The following RIMS1 variants were observed in gnomAD, a reference collection of about 807,000 sequenced individuals.
The protein encoded by RIMS1 is regulating synaptic membrane exocytosis protein 1.
A neutral mutation model predicts 214.1 loss-of-function variants in RIMS1; 83 were observed. The observed-to-expected ratio is 0.39, with a 90% CI of 0.32 to 0.47. RIMS1 has a LOEUF of 0.47. Among genes scored for constraint, RIMS1 ranks in the 20% least tolerant of loss-of-function variants. RIMS1 has a pLI of 0.99. For synonymous variants in RIMS1, 793 were observed against 786.8 expected (o/e 1.01, Z -0.13); for missense variants, 2,050 against 2,161.8 (o/e 0.95, Z 1.03).
intron 28 of RIMS1, among the ~76,000 whole-genome samples, chr6:72,314,798 A>G (rs1350498223): frequency 1.3e-5 from 2 of 152,140 alleles, no homozygotes; most frequent in Non-Finnish European, 2.9e-5. Context: ...CTGTTGAATT[A>G]CCAAAGAATG....
chr6:72,099,211 G>A (rs58846705), intron 3 of RIMS1, among the ~76,000 whole-genome samples: 1 of 152,148 alleles, frequency 6.6e-6, no homozygotes. Flanking sequence ...AAAGTCATCA[G>A]GTCTTAAAAA....
At chr6:72,215,653 T>C (rs184782821) in intron 6 of RIMS1, among the ~76,000 whole-genome samples, 3 of 152,354 alleles carry the variant, frequency 2.0e-5, no homozygotes, top group African/African-American at 4.8e-5. Context: ...TTGATGTTTA[T>C]TTCCCTTTTG....
chr6:72,314,409 G>A (rs2095658250), intron 28 of RIMS1, among the ~76,000 whole-genome samples: 1 of 152,106 alleles, frequency 6.6e-6, no homozygotes, highest in African/African-American at 2.4e-5. Flanking sequence ...TTAAAAATAT[G>A]AACAAACACT....
chr6:72,121,868 G>A (rs902074109), intron 4 of RIMS1, among the ~76,000 whole-genome samples: 8 of 151,926 alleles, frequency 5.3e-5, no homozygotes, highest in Non-Finnish European at 7.4e-5. Context: ...ATAAAGGGCT[G>A]TTGAATTTTG....
At chr6:72,303,652 G>A (rs961341405) in intron 26 of RIMS1, among the ~76,000 whole-genome samples, 5 of 151,096 alleles carry the variant, frequency 3.3e-5, no homozygotes, top group Non-Finnish European at 5.9e-5. Context: ...TTTTAACATT[G>A]AATTGATTTG....
In RIMS1 at chr6:71,887,072, C is replaced by A. The variant is rs772961215; in HGVS notation, c.49C>A (p.Pro17Thr). 1 of 1,613,406 alleles carries A rather than the reference C, an allele frequency of 6.2e-7. No individual in the cohort carries two copies. Among genetic ancestry groups the A allele is most frequent in the East Asian group, 2.2e-5 (1 of 44,850 alleles). ...CGGTCCTCGCCCACCCACGGTGCCT[C>A]CCCCCATGCAAGAGCTGCCCGACCT... ...PRGPRPPTVPPPMQELPDLSH... is the reference protein window; with the variant it reads ...PRGPRPPTVPTPMQELPDLSH... The change falls in exon 1 of 34, where the codon CCC (proline) becomes ACC (threonine). Residue 17 changes from proline to threonine, a missense_variant. Transcript: ENST00000521978.
At chr6:72,265,646 C>T (rs2080192469) in intron 21 of RIMS1, 143 bp downstream of exon 21, 1 of 559,298 alleles carries the variant, frequency 1.8e-6, no homozygotes, top group African/African-American at 1.9e-5. Context: ...AAATTTTAGG[C>T]ATTTTGTTTT....
At chr6:72,297,949 G>A (rs1483799821) in intron 26 of RIMS1, among the ~76,000 whole-genome samples, 20 of 151,962 alleles carry the variant, frequency 1.3e-4, no homozygotes, top group Admixed American at 1.2e-3. Flanking sequence ...GAGAATTCAG[G>A]TTATTGTGAG....
chr6:72,307,370 G>A lies in RIMS1; in HGVS notation c.3963G>A (p.Lys1321=). 1 of 1,568,404 alleles carries A rather than the reference G, an allele frequency of 6.4e-7. No homozygotes were observed. The highest frequency in any genetic ancestry group is 8.7e-7 in the Non-Finnish European group (1 of 1,148,430). Residue 1321 remains lysine (K), a splice_region_variant and synonymous_variant, in exon 27 of 34, where the codon AAG becomes AAA. Transcript: ENST00000521978. The stretch of plus-strand genomic sequence containing the variant: ...AACTTGATCGCGAGCAATATTCCAA[G>A]GTAAAATTAGTAGTATCCAACAAAT... ...SQELDREQYS[K]YNIHKDQYRS...
intron 4 of RIMS1, among the ~76,000 whole-genome samples, chr6:72,108,215 G>C (rs753529705): frequency 6.6e-6 from 1 of 151,904 alleles, no homozygotes; most frequent in Non-Finnish European, 1.5e-5. Context: ...GCTTCCTGCA[G>C]CTGGGACTAC....
Position 72,190,420 on chromosome 6 carries a change from G to A in RIMS1, c.1678+7271G>A, listed in dbSNP as rs901147230. 4.0e-5 allele frequency among the ~76,000 whole-genome samples: 6 copies of A among 148,546 alleles called. No individual in the cohort carries two copies. The East Asian group carries it at 5.9e-4, about 14-fold the overall frequency. On this transcript the variant is annotated intron_variant, in intron 6 of 33. Coordinates refer to ENST00000521978, the MANE Select transcript of RIMS1 (RefSeq NM_014989.7). ...AGAGGTTGCCGTGAGCTGAGATCGC[G>A]CCATTGCACTCCAGCCTTGGCAACA... is the stretch of plus-strand genomic sequence containing the variant.
At chr6:72,104,660 G>A (rs1431564403) in intron 4 of RIMS1, among the ~76,000 whole-genome samples, 1 of 152,170 alleles carries the variant, frequency 6.6e-6, no homozygotes, top group Admixed American at 6.6e-5. Flanking sequence ...GCATGGAGCA[G>A]AGAAGAAAGG....
intron 2 of RIMS1, among the ~76,000 whole-genome samples, chr6:72,003,293 C>A (rs1237272940): frequency 1.3e-5 from 2 of 152,132 alleles, no homozygotes; most frequent in Non-Finnish European, 2.9e-5. Flanking sequence ...CTTACCTAAA[C>A]TTTTCCTTCT....
At chr6:72,294,430 A>G (rs557734827) in intron 26 of RIMS1, among the ~76,000 whole-genome samples, 1 of 151,764 alleles carries the variant, frequency 6.6e-6, no homozygotes, top group Non-Finnish European at 1.5e-5. Context: ...ATTTTTTAAA[A>G]ATGTTTAACA....
chr6:71,933,490 G>C (rs1265201551), intron 1 of RIMS1, among the ~76,000 whole-genome samples: 1 of 152,072 alleles, frequency 6.6e-6, no homozygotes, highest in East Asian at 1.9e-4. Flanking sequence ...AGTTATTATG[G>C]AGAAATATGC....
At chr6:72,075,221 G>A (rs1426576827) in intron 2 of RIMS1, among the ~76,000 whole-genome samples, 6 of 152,050 alleles carry the variant, frequency 3.9e-5, no homozygotes, top group Admixed American at 6.6e-5. Context: ...AGCTAGGACC[G>A]CAGGTATATA....
intron 23 of RIMS1, among the ~76,000 whole-genome samples, chr6:72,276,337 T>C (rs1486032569): frequency 6.6e-6 from 1 of 152,188 alleles, no homozygotes; most frequent in African/African-American, 2.4e-5. Flanking sequence ...AAATTAAACA[T>C]GATGATCTTT....
rs191711880 is a variant in RIMS1, at chr6:72,151,074, G to T, written c.472-28501G>T. Among the ~76,000 whole-genome samples, 5 of 151,452 alleles carry T rather than the reference G, an allele frequency of 3.3e-5. No individual in the cohort carries two copies. In the East Asian group the frequency reaches 9.7e-4, roughly 29 times the overall value. Reference sequence around the variant, plus strand: ...TTTCTTTTTTTTGAGACGGAGTCTCGCTCTGTCACCCAGGCTGGAGTGCAG... The same window carrying T: ...TTTCTTTTTTTTGAGACGGAGTCTCTCTCTGTCACCCAGGCTGGAGTGCAG... On this transcript the variant is annotated intron_variant, in intron 4 of 33. Transcript: ENST00000521978.
At chr6:72,196,709 G>T (rs543483828) in intron 6 of RIMS1, among the ~76,000 whole-genome samples, 1 of 149,466 alleles carries the variant, frequency 6.7e-6, no homozygotes, top group Admixed American at 6.8e-5. Flanking sequence ...ACTCATAAAA[G>T]TGATGAGAAA....
Sources: allele counts gnomAD v4.1 joint callset (sites outside exome capture counted in the v4.1 genomes callset), GRCh38; gene constraint gnomAD v4.1.1; transcripts MANE v1.5; gene names NCBI Gene and HGNC (gene_info 2026-07-23, HGNC 2026-07-21).